Variants in EFCAB14 observed in about 807,000 individuals in gnomAD.
The protein encoded by EFCAB14 is EF-hand calcium-binding domain-containing protein 14.
EFCAB14 carries 43 observed loss-of-function variants against 56.5 expected under a neutral mutation model. That is an observed-to-expected ratio of 0.76 (90% CI 0.60 to 0.98). The LOEUF (loss-of-function observed/expected upper bound fraction) is 0.98. EFCAB14 is among the 50% of genes least tolerant of loss of function. The pLI, the probability that EFCAB14 is intolerant of heterozygous loss-of-function variation, is 0.00. For synonymous variants in EFCAB14, 235 were observed against 212.9 expected (o/e 1.10, Z -0.90); for missense variants, 538 against 580.3 (o/e 0.93, Z 0.75).
In EFCAB14 at chr1:46,688,563, A is replaced by C; in HGVS notation, c.796-19T>G. ...GGATATCCTAGAGTGGAAATAAATA[A>C]AGTTATGGAATCCACTAAAGACGTA... On this transcript the variant is annotated intron_variant, in intron 6 of 10. Coordinates refer to ENST00000371933, the MANE Select transcript of EFCAB14 (RefSeq NM_014774.3). 6.2e-7 allele frequency: 1 copy of C among 1,605,722 alleles called. No homozygotes were observed. Among genetic ancestry groups the C allele is most frequent in the Non-Finnish European group, 8.5e-7 (1 of 1,174,970 alleles).
intron 10 of EFCAB14, among the ~76,000 whole-genome samples, chr1:46,680,603 G>C: frequency 6.6e-6 from 1 of 152,172 alleles, no homozygotes; most frequent in Non-Finnish European, 1.5e-5. Context: ...CTGTTTAATG[G>C]GTACAGAGAT....
At chr1:46,679,003 TTC>T (rs1213904132) in intron 10 of EFCAB14, among the ~76,000 whole-genome samples, 3 of 152,232 alleles carry the variant, frequency 2.0e-5, no homozygotes, top group African/African-American at 7.2e-5. Flanking sequence ...TGGTCTCATC[TTC>T]TCTCTGTCCA....
At chr1:46,678,820 TAAA>T (rs10567663) in intron 10 of EFCAB14, among the ~76,000 whole-genome samples, 184 bp from the exon 11 acceptor site, 1,802 of 132,754 alleles carry the variant, frequency 0.014, 47 homozygotes, top group East Asian at 0.087. Context: ...AAAAATATAT[TAAA>T]AAAAAAAAAA....
At position 46,718,225 on chromosome 1, in the gene EFCAB14, G is replaced by C; in HGVS notation, c.-138C>G. On this transcript the variant is annotated 5_prime_UTR_variant, in exon 1 of 11. Transcript: ENST00000371933. The stretch of plus-strand genomic sequence containing the variant: ...GAGCCCCCTGGTCACTCCCACCTAG[G>C]GGTGGGACTGACCAGATCCGCCAGG... 1 of 802,278 alleles carries C rather than the reference G, an allele frequency of 1.2e-6. No individual in the cohort carries two copies. Among genetic ancestry groups the C allele is most frequent in the East Asian group, 2.6e-5 (1 of 37,994 alleles). 49.7% of individuals were successfully genotyped at this position (802,278 alleles called of 1,614,324 possible).
intron 4 of EFCAB14, among the ~76,000 whole-genome samples, chr1:46,695,287 C>G (rs1281670031): frequency 6.6e-6 from 1 of 152,170 alleles, no homozygotes. Flanking sequence ...GTACTAATGG[C>G]TACAGAAGCC....
At chr1:46,716,211 T>G in intron 2 of EFCAB14, 84 bp downstream of exon 2, 2 of 1,415,114 alleles carry the variant, frequency 1.4e-6, no homozygotes, top group Non-Finnish European at 1.8e-6. Flanking sequence ...ATTGCGCCAC[T>G]GTACTCCAGC....
chr1:46,684,594 A>G lies in EFCAB14; in HGVS notation c.1083T>C (p.Asp361=), dbSNP rs1569685508. ...GCTTGGATACCTGAGAATTTGAACT[A>G]TCTTCTTTCTGCACAAAACAAAGAT... ...TVKIQSIKKE[D]SSNSQVSKLR... Residue 361 remains aspartate (D), a synonymous_variant, in exon 9 of 11, where the codon GAT becomes GAC. Transcript: ENST00000371933. The G allele has an allele frequency of 2.5e-6, 4 of 1,613,660 alleles. No homozygotes were observed. The highest frequency in any genetic ancestry group is 3.4e-6 in the Non-Finnish European group (4 of 1,179,590).
At chr1:46,704,045 A>G (rs1677199671) in intron 3 of EFCAB14, among the ~76,000 whole-genome samples, 1 of 152,222 alleles carries the variant, frequency 6.6e-6, no homozygotes, top group East Asian at 1.9e-4. Context: ...GCTCCAATCT[A>G]GGTGAGATAC....
chr1:46,695,365 CT>C (rs35808466), intron 4 of EFCAB14, among the ~76,000 whole-genome samples: 14,171 of 151,958 alleles, frequency 0.093, 1,652 homozygotes, highest in East Asian at 0.4. Context: ...GTCCCTACCC[CT>C]TTTTTTTCCC....
chr1:46,707,873 T>A, intron 3 of EFCAB14, 33 bp downstream of exon 3: 1 of 1,596,032 alleles, frequency 6.3e-7, no homozygotes, highest in East Asian at 2.2e-5. Context: ...CAAATATTCA[T>A]AGCTTACACA....
intron 4 of EFCAB14, 45 bp downstream of exon 4, chr1:46,696,506 T>G (rs774478893): frequency 1.3e-6 from 2 of 1,557,694 alleles, no homozygotes; most frequent in South Asian, 2.3e-5. Flanking sequence ...TACCCACACA[T>G]GGCACCTACC....
At chr1:46,713,587 AG>A (rs1677343254) in intron 2 of EFCAB14, among the ~76,000 whole-genome samples, 1 of 152,202 alleles carries the variant, frequency 6.6e-6, no homozygotes, top group Non-Finnish European at 1.5e-5. Flanking sequence ...AAATTACATA[AG>A]TATCCTGTAA....
intron 4 of EFCAB14, among the ~76,000 whole-genome samples, chr1:46,695,403 T>C (rs1306010782): frequency 2.0e-5 from 3 of 152,052 alleles, no homozygotes; most frequent in Non-Finnish European, 4.4e-5. Flanking sequence ...GATGGCCACA[T>C]TGGACAAGTA....
chr1:46,718,026 T>C lies in EFCAB14; in HGVS notation c.62A>G (p.Lys21Arg). The change falls in exon 1 of 11, where the codon AAG (lysine) becomes AGG (arginine). Residue 21 changes from lysine to arginine, a missense_variant. Physicochemically the swap from Lys to Arg is conservative, Grantham distance 26. Coordinates refer to ENST00000371933, the MANE Select transcript of EFCAB14 (RefSeq NM_014774.3). ...IGLAGDSRRK[K>R]PKKGPSSHRL... ...GTGACTGCTTGGGCCTTTCTTGGGC[T>C]TCTTTCTCCGGCTGTCCCCAGCCAA... 1 of 1,614,258 alleles carries C rather than the reference T, an allele frequency of 6.2e-7. No homozygotes were observed. The highest frequency in any genetic ancestry group is 2.2e-5 in the East Asian group (1 of 44,882).
chr1:46,716,665 A>T (rs1677400537), intron 1 of EFCAB14, among the ~76,000 whole-genome samples: 1 of 152,232 alleles, frequency 6.6e-6, no homozygotes. Flanking sequence ...AAACAGAAGG[A>T]GTTCCTGCAG....
At chr1:46,692,208 T>C in intron 4 of EFCAB14, 1 of 290,080 alleles carries the variant, frequency 3.4e-6, no homozygotes, top group Non-Finnish European at 6.5e-6. Context: ...TTTATATAAG[T>C]AGAACCAGTG....
At chr1:46,690,788 A>G (rs1676978480) in intron 5 of EFCAB14, among the ~76,000 whole-genome samples, 1 of 152,090 alleles carries the variant, frequency 6.6e-6, no homozygotes. Context: ...GAGGTGTGCC[A>G]GTCCTGAAGA....
chr1:46,700,986 A>AGTGAGTGAGTGAGT (rs145670885), intron 3 of EFCAB14, among the ~76,000 whole-genome samples: 5 of 142,940 alleles, frequency 3.5e-5, no homozygotes, highest in Admixed American at 1.4e-4. Flanking sequence ...AGAGTGAGTG[A>AGTGAGTGAGTGAGT]GTGTGTGTGT....
intron 10 of EFCAB14, among the ~76,000 whole-genome samples, 184 bp from the exon 11 acceptor site, chr1:46,678,820 TA>T (rs10567663): frequency 0.01 from 1,390 of 132,736 alleles, 17 homozygotes; most frequent in Admixed American, 0.029. Context: ...AAAAATATAT[TA>T]AAAAAAAAAA....
Sources: allele counts gnomAD v4.1 joint callset (sites outside exome capture counted in the v4.1 genomes callset), GRCh38; gene constraint gnomAD v4.1.1; transcripts MANE v1.5; gene names NCBI Gene and HGNC (gene_info 2026-07-23, HGNC 2026-07-21).